ITPR2: variants seen among roughly 807,000 people sequenced by gnomAD.
The protein encoded by ITPR2 is inositol 1,4,5-trisphosphate receptor type 2.
In ITPR2, 207 loss-of-function variants were observed where a neutral mutation model predicts 317.1. That is an observed-to-expected ratio of 0.65 (90% CI 0.58 to 0.73). The LOEUF is 0.73. Ranked by LOEUF, ITPR2 falls within the 30% of genes least tolerant of loss-of-function variation. The pLI, the probability that ITPR2 is intolerant of heterozygous loss-of-function variation, is 0.00. For missense variants in ITPR2, 2,613 were observed against 3,284.0 expected, an observed-to-expected ratio of 0.80 and a Z score of 4.99; for synonymous variants, 1,156 against 1,149.1, an observed-to-expected ratio of 1.01 and a Z score of -0.12.
intron 26 of ITPR2, among the ~76,000 whole-genome samples, chr12:26,607,332 G>A (rs1055088025): frequency 3.9e-5 from 6 of 151,902 alleles, no homozygotes; most frequent in Admixed American, 3.3e-4. Flanking sequence ...TTTAATAACC[G>A]GTCTTTTATA....
intron 45 of ITPR2, among the ~76,000 whole-genome samples, chr12:26,454,539 A>G (rs1255204003): frequency 3.9e-5 from 6 of 152,194 alleles, no homozygotes; most frequent in African/African-American, 1.4e-4. Flanking sequence ...TTTATATACA[A>G]CAAGAAAAAT....
At chr12:26,669,237 T>C (rs1947694465) in intron 13 of ITPR2, among the ~76,000 whole-genome samples, 1 of 151,724 alleles carries the variant, frequency 6.6e-6, no homozygotes, top group Admixed American at 6.6e-5. Context: ...CAAAAATTGA[T>C]CCAGATACTA....
chr12:26,677,291 T>C (rs1290782591), intron 13 of ITPR2, among the ~76,000 whole-genome samples: 2 of 152,186 alleles, frequency 1.3e-5, no homozygotes, highest in Admixed American at 6.5e-5. Context: ...ACAAAGTCAT[T>C]AAACTTGCAA....
chr12:26,550,636 A>G (rs1944500807), intron 36 of ITPR2, among the ~76,000 whole-genome samples: 1 of 152,104 alleles, frequency 6.6e-6, no homozygotes, highest in South Asian at 2.1e-4. Flanking sequence ...TGAAATACTA[A>G]TATTCTCACC....
rs1400407380 is a variant in ITPR2 at position 26,686,617 on chromosome 12, G to A, written c.1012C>T (p.Pro338Ser). Reference sequence around the variant, plus strand: ...GCCTGGCGTTTTTTCTTTGAAGTTGGAGGGACTCCATCTCTCTGTTGAGGA... The same window carrying A: ...GCCTGGCGTTTTTTCTTTGAAGTTGAAGGGACTCCATCTCTCTGTTGAGGA... The part of the protein sequence containing the change: ...EGKNVRDGVP[P>S]TSKKKRQAGE... Residue 338 changes from proline (P) to serine (S), a missense_variant, in exon 11 of 57, where the codon CCA (proline) becomes TCA (serine). Physicochemically the swap from Pro to Ser is moderately conservative, Grantham distance 74. Transcript: ENST00000381340. The A allele has an allele frequency of 6.2e-7, 1 of 1,609,326 alleles. No individual in the cohort carries two copies. Among genetic ancestry groups the A allele is most frequent in the Non-Finnish European group, 8.5e-7 (1 of 1,177,644 alleles).
intron 37 of ITPR2, among the ~76,000 whole-genome samples, chr12:26,531,383 T>TCATG (rs1303094256): frequency 3.3e-5 from 5 of 152,214 alleles, no homozygotes; most frequent in Non-Finnish European, 7.3e-5. Flanking sequence ...CATACACTGG[T>TCATG]CATGTGTAAT....
At chr12:26,754,731 G>A (rs545981691) in intron 2 of ITPR2, among the ~76,000 whole-genome samples, 55 of 152,256 alleles carry the variant, frequency 3.6e-4, no homozygotes, top group African/African-American at 1.1e-3. Context: ...GAACATATTG[G>A]CTAAAGTTAA....
At chr12:26,713,450 A>G (rs942109210) in intron 8 of ITPR2, among the ~76,000 whole-genome samples, 1 of 152,222 alleles carries the variant, frequency 6.6e-6, no homozygotes, top group Non-Finnish European at 1.5e-5. Context: ...AACATTTTAC[A>G]TCAAGTTATA....
Position 26,624,337 on chromosome 12 carries a change from A to G in ITPR2, c.3084T>C (p.Asp1028=). ...TAGTTTCTGCCTGAGCTGCAATTTC[A>G]TCTATATCAGGAACAATAGCTGCAA... The part of the protein sequence containing the change: ...LLPSAIVPDI[D]EIAAQAETMF... The change falls in exon 24 of 57, where the codon GAT becomes GAC. Residue 1028 remains aspartate (D), a synonymous_variant. Coordinates refer to ENST00000381340, the MANE Select transcript of ITPR2 (RefSeq NM_002223.4). 6.2e-7 allele frequency: 1 copy of G among 1,610,062 alleles called. No individual in the cohort carries two copies. The highest frequency in any genetic ancestry group is 1.3e-5 in the African/African-American group (1 of 74,910).
chr12:26,459,303 A>C (rs2136778832), intron 45 of ITPR2, among the ~76,000 whole-genome samples: 1 of 152,322 alleles, frequency 6.6e-6, no homozygotes. Flanking sequence ...TCCAGGTTTT[A>C]GAACTGATAT....
chr12:26,525,275 C>T (rs1002849730), intron 37 of ITPR2, among the ~76,000 whole-genome samples: 1 of 152,182 alleles, frequency 6.6e-6, no homozygotes, highest in African/African-American at 2.4e-5. Flanking sequence ...TTCAGGTCTT[C>T]ATGTCTTTCA....
At chr12:26,713,634 CA>C (rs1169573982) in intron 8 of ITPR2, among the ~76,000 whole-genome samples, 1 of 152,068 alleles carries the variant, frequency 6.6e-6, no homozygotes, top group Non-Finnish European at 1.5e-5. Flanking sequence ...AAACTAAAAG[CA>C]AAAATATGAG....
At chr12:26,525,186 G>A (rs1266780259) in intron 37 of ITPR2, among the ~76,000 whole-genome samples, 1 of 152,042 alleles carries the variant, frequency 6.6e-6, no homozygotes, top group Non-Finnish European at 1.5e-5. Flanking sequence ...GGAGAGTGTG[G>A]GCATGGAAGG....
intron 25 of ITPR2, among the ~76,000 whole-genome samples, 161 bp downstream of exon 25, chr12:26,622,079 C>T (rs1246364432): frequency 3.7e-4 from 56 of 152,136 alleles, no homozygotes; most frequent in Admixed American, 3.5e-3. Flanking sequence ...AAATAGATCA[C>T]GTCCTGGCAT....
At chr12:26,609,461 G>T (rs1401995519) in intron 26 of ITPR2, among the ~76,000 whole-genome samples, 2 of 152,004 alleles carry the variant, frequency 1.3e-5, no homozygotes, top group Non-Finnish European at 2.9e-5. Context: ...ACAAAAATCA[G>T]CCAGGCGTGG....
intron 45 of ITPR2, among the ~76,000 whole-genome samples, chr12:26,469,740 G>A (rs1021069542): frequency 6.6e-6 from 1 of 151,978 alleles, no homozygotes; most frequent in African/African-American, 2.4e-5. Context: ...CAATGCATCT[G>A]TGAAACTCAA....
intron 13 of ITPR2, among the ~76,000 whole-genome samples, chr12:26,679,771 T>C (rs936323114): frequency 6.6e-6 from 1 of 152,184 alleles, no homozygotes; most frequent in African/African-American, 2.4e-5. Context: ...CAAGATTCAA[T>C]AGTTATCACA....
At chr12:26,630,647 G>C (rs1490726000) in intron 22 of ITPR2, 1 of 152,222 alleles carries the variant, frequency 6.6e-6, no homozygotes, top group Non-Finnish European at 1.5e-5. Flanking sequence ...AGAGTGAATA[G>C]CGGTTCAAGG....
chr12:26,751,374 A>G (rs890424785), intron 2 of ITPR2, among the ~76,000 whole-genome samples: 3 of 152,170 alleles, frequency 2.0e-5, no homozygotes, highest in African/African-American at 7.2e-5. Context: ...TCATTGTCCT[A>G]GAGTTCAGAA....
Sources: allele counts gnomAD v4.1 joint callset (sites outside exome capture counted in the v4.1 genomes callset), GRCh38; gene constraint gnomAD v4.1.1; transcripts MANE v1.5; gene names NCBI Gene and HGNC (gene_info 2026-07-23, HGNC 2026-07-21).